The following KIFBP variants were observed in gnomAD, a reference collection of about 807,000 sequenced individuals.
KIFBP encodes the protein KIF-binding protein.
Under a neutral mutation model 58.9 loss-of-function variants are expected in KIFBP, and 46 were observed. The ratio of observed to expected loss-of-function variants is 0.78; its 90% CI spans 0.62 to 1.00. The LOEUF (loss-of-function observed/expected upper bound fraction) is 1.00, where lower values mean the gene tolerates loss of function less well. Among genes scored for constraint, KIFBP ranks in the 50% least tolerant of loss-of-function variants. The pLI is 0.00. For missense variants in KIFBP, 651 were observed against 752.9 expected, an observed-to-expected ratio of 0.86 and a Z score of 1.58; for synonymous variants, 241 against 283.4, an observed-to-expected ratio of 0.85 and a Z score of 1.50.
chr10:69,005,659 C>T (rs1228150182), intron 3 of KIFBP, 73 bp from the exon 4 acceptor site: 10 of 1,173,830 alleles, frequency 8.5e-6, no homozygotes, highest in East Asian at 5.0e-5. Flanking sequence ...GGCAACAGAG[C>T]GAGACTCTGT....
rs1843307447 is a variant in KIFBP, at chr10:68,988,853, A to G, written c.21A>G (p.Ala7=). 5.0e-6 allele frequency: 8 copies of G among 1,614,158 alleles called. No individual in the cohort carries two copies. Among genetic ancestry groups the G allele is most frequent in the Admixed American group, 1.7e-5 (1 of 60,016 alleles). The change falls in exon 1 of 7, where the codon GCA becomes GCG. Residue 7 remains alanine, a synonymous_variant. Coordinates refer to ENST00000361983, the MANE Select transcript of KIFBP (RefSeq NM_015634.4). ...CCGCTATGGCGAACGTTCCGTGGGCAGAGGTCTGCGAGAAATTCCAGGCGG... is the reference window on the plus strand; with the variant it reads ...CCGCTATGGCGAACGTTCCGTGGGCGGAGGTCTGCGAGAAATTCCAGGCGG... The part of the protein sequence containing the change: MANVPW[A]EVCEKFQAAL...
At chr10:69,008,622 G>T (rs1431511290) in intron 4 of KIFBP, among the ~76,000 whole-genome samples, 1 of 151,302 alleles carries the variant, frequency 6.6e-6, no homozygotes. Flanking sequence ...TAAGAGTTTG[G>T]GGGCATTAAT....
intron 2 of KIFBP, among the ~76,000 whole-genome samples, chr10:69,004,219 C>CAAA (rs1164355898): frequency 4.7e-4 from 37 of 79,476 alleles, no homozygotes; most frequent in African/African-American, 1.4e-3. Context: ...ACTCCATCTC[C>CAAA]AAAAAAAAAA....
intron 6 of KIFBP, among the ~76,000 whole-genome samples, chr10:69,012,319 GACATACTA>G (rs1843603924): frequency 6.6e-6 from 1 of 152,104 alleles, no homozygotes; most frequent in South Asian, 2.1e-4. Context: ...AAGTGCCTGA[GACATACTA>G]AGTCCTTAAT....
In KIFBP at chr10:69,013,987, G is replaced by A. The variant is rs537115947; in HGVS notation, c.991-1554G>A. Among the ~76,000 whole-genome samples the A allele has an allele frequency of 3.9e-5, 6 of 152,244 alleles. No homozygotes were observed. The South Asian group carries it at 1.2e-3, about 32-fold the overall frequency. ...GCTGGTCTTGAACTCTTGAGCTCAA[G>A]CGATCCACCCACGTCGGCCTCCCAA... On this transcript the variant is annotated intron_variant, in intron 6 of 6. Transcript: ENST00000361983.
At chr10:68,999,842 G>T (rs1357839188) in intron 1 of KIFBP, 2 of 155,708 alleles carry the variant, frequency 1.3e-5, no homozygotes, top group African/African-American at 2.4e-5. Flanking sequence ...TCAGGAGATT[G>T]AGACCATCCT....
At chr10:69,006,927 T>C (rs1843542902) in intron 4 of KIFBP, 1 of 152,200 alleles carries the variant, frequency 6.6e-6, no homozygotes. Context: ...TAAGATCAAG[T>C]GTGTAAGTAA....
In KIFBP at chr10:69,015,937, CCA is replaced by C. The variant is rs757428714; in HGVS notation, c.1390_1391del (p.Gln464ValfsTer12). On this transcript the variant is annotated frameshift_variant, in exon 7 of 7. Transcript: ENST00000361983. LOFTEE classifies it high-confidence loss of function. Reference protein sequence around the residue: ...MLEPLTVDLNPQYYLLVNRQI... With the variant: ...MLEPLTVDLNXQYYLLVNRQI... ...AGAGCCCCTAACTGTAGACCTGAAT[CCA>C]CAGTATTATCTGTTGGTCAACAGAC... The C allele has an allele frequency of 6.2e-7, 1 of 1,614,134 alleles. No individual in the cohort carries two copies. Among genetic ancestry groups the C allele is most frequent in the African/African-American group, 1.3e-5 (1 of 75,026 alleles).
intron 1 of KIFBP, among the ~76,000 whole-genome samples, chr10:68,992,394 G>T (rs1843359611): frequency 6.6e-6 from 1 of 152,150 alleles, no homozygotes; most frequent in Non-Finnish European, 1.5e-5. Flanking sequence ...AAGGGGATGG[G>T]GATTTTGGTT....
At chr10:69,010,578 A>G (rs1383814201) in intron 5 of KIFBP, among the ~76,000 whole-genome samples, 2 of 152,240 alleles carry the variant, frequency 1.3e-5, no homozygotes, top group African/African-American at 4.8e-5. Context: ...AACAAATTCC[A>G]GGTTAGAATT....
chr10:69,007,145 C>T (rs1041948953), intron 4 of KIFBP, among the ~76,000 whole-genome samples: 3 of 152,090 alleles, frequency 2.0e-5, no homozygotes, highest in African/African-American at 7.2e-5. Flanking sequence ...ATTGGCAGTA[C>T]TAAGATATCT....
At chr10:69,000,593 A>G (rs1364674977) in intron 2 of KIFBP, 71 bp downstream of exon 2, 1 of 980,386 alleles carries the variant, frequency 1.0e-6, no homozygotes, top group Non-Finnish European at 1.6e-6. Context: ...AGAATCCCTC[A>G]TTCGTAATAT....
rs1843309643 is a variant in KIFBP at position 68,989,021 on chromosome 10, C to A, written c.189C>A (p.Ala63=). ...AGGACGAGGATGAGCGGCCTGAGGC[C>A]GAGGACGGCCCGGGTGCCGGTGACC... ...APEDEDERPE[A]EDGPGAGDHA... is the part of the protein sequence containing the mutation. Residue 63 remains alanine (A), a synonymous_variant, in exon 1 of 7, where the codon GCC becomes GCA. Coordinates refer to ENST00000361983, the MANE Select transcript of KIFBP (RefSeq NM_015634.4). The A allele has an allele frequency of 6.2e-7, 1 of 1,613,792 alleles. No individual in the cohort carries two copies. Among genetic ancestry groups the A allele is most frequent in the Non-Finnish European group, 8.5e-7 (1 of 1,179,902 alleles).
At chr10:68,995,857 A>C (rs1265067825) in intron 1 of KIFBP, among the ~76,000 whole-genome samples, 1 of 152,174 alleles carries the variant, frequency 6.6e-6, no homozygotes, top group East Asian at 1.9e-4. Context: ...TATTGTATTT[A>C]AAGAATAATT....
Position 69,016,031 on chromosome 10 carries a change from G to C in KIFBP, c.1481G>C (p.Arg494Thr), listed in dbSNP as rs1838998263. Residue 494 changes from arginine to threonine, a missense_variant, in exon 7 of 7, where the codon AGG (arginine) becomes ACG (threonine). Transcript: ENST00000361983. The part of the protein sequence containing the change: ...MMDLKVAIAD[R>T]LRDPDSHIVK... ...GATTTGAAGGTTGCCATTGCTGACA[G>C]GCTAAGGGATCCTGATTCACACATT... 6.2e-7 allele frequency: 1 copy of C among 1,613,992 alleles called. No individual in the cohort carries two copies. Among genetic ancestry groups the C allele is most frequent in the Admixed American group, 1.7e-5 (1 of 59,990 alleles).
chr10:68,989,600 C>A (rs1045651061), intron 1 of KIFBP: 10 of 376,908 alleles, frequency 2.7e-5, no homozygotes, highest in South Asian at 1.7e-4. Flanking sequence ...ACCAGTCCAA[C>A]TCCTGTTCAT....
intron 2 of KIFBP, among the ~76,000 whole-genome samples, chr10:69,002,575 A>G (rs1962431): frequency 0.058 from 8,757 of 152,192 alleles, 303 homozygotes; most frequent in Middle Eastern, 0.11. Flanking sequence ...CTTATATGTG[A>G]AATTGTTAAT....
Position 68,989,184 on chromosome 10 carries a change from C to T in KIFBP, c.352C>T (p.Leu118=). ...GGAGCTGTCGGCGGGGGAGGAGCAC[C>T]TGGTGAAATGCCTGCGGCTGCTGCG... ...TEELSAGEEH[L]VKCLRLLRRY... The change falls in exon 1 of 7, where the codon CTG becomes TTG. Residue 118 remains leucine (L), a synonymous_variant. Coordinates refer to ENST00000361983, the MANE Select transcript of KIFBP (RefSeq NM_015634.4). 2 of 1,613,828 alleles carry T rather than the reference C, an allele frequency of 1.2e-6. No homozygotes were observed. The highest frequency in any genetic ancestry group is 1.7e-6 in the Non-Finnish European group (2 of 1,179,946).
At chr10:68,991,583 A>G (rs894974641) in intron 1 of KIFBP, 2 of 387,340 alleles carry the variant, frequency 5.2e-6, no homozygotes, top group African/African-American at 2.1e-5. Context: ...CATCACGTGC[A>G]GTACAAAAAG....
Sources: gnomAD v4.1 joint callset for allele counts (sites outside exome capture counted in the v4.1 genomes callset) on GRCh38, gnomAD v4.1.1 for gene constraint, MANE v1.5 for transcripts, NCBI Gene and HGNC (gene_info 2026-07-23, HGNC 2026-07-21) for gene names.